The following EFR3B variants were observed in gnomAD, a reference collection of about 807,000 sequenced individuals.
The protein encoded by EFR3B is EFR3 homolog B, also known as protein EFR3 homolog B.
A neutral mutation model predicts 104.7 loss-of-function variants in EFR3B; 64 were observed. That is an observed-to-expected ratio of 0.61 (90% CI 0.50 to 0.75). The LOEUF (loss-of-function observed/expected upper bound fraction) is 0.75. Among genes scored for constraint, EFR3B ranks in the 30% least tolerant of loss-of-function variants. The probability of loss-of-function intolerance (pLI) is 0.00; values close to 1 mark genes in which losing one functional copy is unlikely to be tolerated. For missense variants in EFR3B, 750 were observed against 1,078.5 expected, an observed-to-expected ratio of 0.70 and a Z score of 4.27; for synonymous variants, 385 against 417.9, an observed-to-expected ratio of 0.92 and a Z score of 0.96.
intron 1 of EFR3B, among the ~76,000 whole-genome samples, chr2:25,078,666 G>A (rs1264581369): frequency 6.6e-6 from 1 of 152,212 alleles, no homozygotes; most frequent in Non-Finnish European, 1.5e-5. Flanking sequence ...TATCTTGGGA[G>A]AAGAAAAGAT....
chr2:25,089,819 C>A (rs1037992107), intron 1 of EFR3B, among the ~76,000 whole-genome samples: 1 of 152,098 alleles, frequency 6.6e-6, no homozygotes, highest in Non-Finnish European at 1.5e-5. Flanking sequence ...CTGCCTGGTC[C>A]CTTCTGTGCT....
chr2:25,121,850 G>C, intron 5 of EFR3B, 56 bp downstream of exon 5: 4 of 1,548,978 alleles, frequency 2.6e-6, no homozygotes, highest in South Asian at 2.4e-5. Flanking sequence ...GCAACGGTGG[G>C]TCCTGTAGAT....
At chr2:25,113,041 G>GCTGC (rs1669763712) in intron 4 of EFR3B, among the ~76,000 whole-genome samples, 1 of 152,028 alleles carries the variant, frequency 6.6e-6, no homozygotes, top group African/African-American at 2.4e-5. Context: ...TTGCCTCCTA[G>GCTGC]CTGCCTATAC....
At position 25,142,773 on chromosome 2, in the gene EFR3B, T is replaced by TAATA. The variant is rs138723099; in HGVS notation, c.1923-943_1923-940dup. On this transcript the variant is annotated intron_variant, in intron 17 of 22. Transcript: ENST00000403714. ...GACTTGGTCTAAGAAATAATAATAA[T>TAATA]AATAAATAAATAAATAAATAAAATT... Among the ~76,000 whole-genome samples the TAATA allele has an allele frequency of 6.8e-5, 10 of 147,376 alleles. No individual in the cohort carries two copies. In the South Asian group the frequency reaches 8.7e-4, roughly 13 times the overall value.
intron 13 of EFR3B, 51 bp downstream of exon 13, chr2:25,135,690 C>T: frequency 6.5e-7 from 1 of 1,542,126 alleles, no homozygotes; most frequent in Non-Finnish European, 8.8e-7. Context: ...AGAGGACTCT[C>T]CATTAGGTCC....
At chr2:25,138,922 G>A in intron 15 of EFR3B, 137 bp from the exon 16 acceptor site, 1 of 1,258,568 alleles carries the variant, frequency 7.9e-7, no homozygotes, top group Non-Finnish European at 1.1e-6. Context: ...AGGAAGGTTT[G>A]GGTCAAATGC....
At chr2:25,087,482 A>AT (rs1191959079) in intron 1 of EFR3B, among the ~76,000 whole-genome samples, 18,478 of 139,842 alleles carry the variant, frequency 0.13, 2,833 homozygotes, top group African/African-American at 0.36. Context: ...GAAGAGCAGG[A>AT]TTTTTTTTTT....
At chr2:25,101,550 T>C (rs1669432334) in intron 3 of EFR3B, among the ~76,000 whole-genome samples, 1 of 152,152 alleles carries the variant, frequency 6.6e-6, no homozygotes, top group Non-Finnish European at 1.5e-5. Context: ...GGTCTCGCCA[T>C]GTTGCCCAGG....
At position 25,154,174 on chromosome 2, in the gene EFR3B, A is replaced by C. The variant is rs1224830551; in HGVS notation, c.2349-61A>C. On this transcript the variant is annotated intron_variant, in intron 22 of 22. Transcript: ENST00000403714. This position sits in a 1 kb window ranked among gnomAD's most constrained non-coding sequence, Gnocchi z 4.1. ...AGTCACCTACTCTGTTTGGTTGCAC[A>C]AGGGTGGGATCCTAAAATTCTCTTT... is the stretch of plus-strand genomic sequence containing the variant. The C allele has an allele frequency of 3.4e-6, 5 of 1,476,808 alleles. No individual in the cohort carries two copies. Among genetic ancestry groups the C allele is most frequent in the Non-Finnish European group, 4.6e-6 (5 of 1,081,398 alleles). The allele number at this position is 1,476,808 out of a possible 1,614,324, so 91.5% of individuals were successfully genotyped here.
intron 3 of EFR3B, among the ~76,000 whole-genome samples, chr2:25,098,831 ATTTTTTTTT>A (rs11416666): frequency 2.4e-4 from 20 of 83,802 alleles, no homozygotes; most frequent in African/African-American, 6.7e-4. Flanking sequence ...TAAGTAGCCA[ATTTTTTTTT>A]TTTTTTTTTT....
chr2:25,078,640 C>CTAGGAATTTACAG (rs1267999801), intron 1 of EFR3B, among the ~76,000 whole-genome samples: 1 of 152,066 alleles, frequency 6.6e-6, no homozygotes, highest in East Asian at 1.9e-4. Context: ...AAAATGAGAC[C>CTAGGAATTTACAG]TAGGAATTTA....
intron 1 of EFR3B, chr2:25,081,131 C>A: frequency 1.4e-6 from 1 of 694,996 alleles, no homozygotes; most frequent in South Asian, 1.6e-5. Context: ...ATTTTCGCTT[C>A]AGTGCTTGAT....
In EFR3B at chr2:25,042,139, G is replaced by T. The variant is rs905247458; in HGVS notation, c.-174G>T. Reference sequence around the variant, plus strand: ...GCCCGGCGCTGAATGGGCTGGCGGCGCCCGGCTCCGTCCTGCCCGCGGCCG... The same window carrying T: ...GCCCGGCGCTGAATGGGCTGGCGGCTCCCGGCTCCGTCCTGCCCGCGGCCG... On this transcript the variant is annotated 5_prime_UTR_variant, in exon 1 of 23. Transcript: ENST00000403714. The surrounding 1 kb of genome is among the most constrained non-coding windows in gnomAD (Gnocchi z 5.4). 1,014 of 513,944 alleles carry T rather than the reference G, an allele frequency of 2.0e-3. 9 individuals are homozygous for T. The highest frequency in any genetic ancestry group is 0.019 in the African/African-American group (949 of 49,414). 31.8% of individuals were successfully genotyped at this position (513,944 alleles called of 1,614,324 possible).
At chr2:25,141,070 T>C (rs565201744) in intron 16 of EFR3B, among the ~76,000 whole-genome samples, 5 of 143,776 alleles carry the variant, frequency 3.5e-5, no homozygotes, top group African/African-American at 1.0e-4. Flanking sequence ...AGCATAGGAA[T>C]GAGGCATTGG....
rs564541915 is a variant in EFR3B at position 25,071,771 on chromosome 2, A to G, written c.8-19554A>G. Among the ~76,000 whole-genome samples, 7 of 152,304 alleles carry G rather than the reference A, an allele frequency of 4.6e-5. No homozygotes were observed. In the East Asian group the frequency reaches 9.6e-4, roughly 21 times the overall value. On this transcript the variant is annotated intron_variant, in intron 1 of 22. Coordinates refer to ENST00000403714, the MANE Select transcript of EFR3B (RefSeq NM_014971.2). ...ATTGTGTCATGGAGGTTTGCACTTA[A>G]TCGATACCTTTCAGCCAGCTGGCTA...
chr2:25,125,013 G>C (rs1670125293), intron 5 of EFR3B, among the ~76,000 whole-genome samples: 1 of 152,174 alleles, frequency 6.6e-6, no homozygotes. Flanking sequence ...AGCTAAGATT[G>C]TGCCACTGCA....
intron 19 of EFR3B, chr2:25,147,856 A>C (rs1434761460): frequency 6.6e-6 from 1 of 152,000 alleles, no homozygotes; most frequent in Non-Finnish European, 1.5e-5. Context: ...CCCCGTCTTT[A>C]CTAAAACTAC....
chr2:25,042,469 G>T lies in EFR3B; in HGVS notation c.7+150G>T. 4 of 1,207,212 alleles carry T rather than the reference G, an allele frequency of 3.3e-6. No homozygotes were observed. Among genetic ancestry groups the T allele is most frequent in the Non-Finnish European group, 4.1e-6 (4 of 972,302 alleles). 74.8% of individuals were successfully genotyped at this position (1,207,212 alleles called of 1,614,324 possible). Reference sequence around the variant, plus strand: ...GGGCTGTTGCGGTCGCTCTGTGCGCGCGCGTCTGCGCTGCGAGGACAAAGA... The same window carrying T: ...GGGCTGTTGCGGTCGCTCTGTGCGCTCGCGTCTGCGCTGCGAGGACAAAGA... On this transcript the variant is annotated intron_variant, in intron 1 of 22. Coordinates refer to ENST00000403714, the MANE Select transcript of EFR3B (RefSeq NM_014971.2). The surrounding 1 kb of genome is among the most constrained non-coding windows in gnomAD (Gnocchi z 5.4).
intron 19 of EFR3B, chr2:25,146,083 T>G (rs1168208586): frequency 3.4e-5 from 1 of 29,118 alleles, no homozygotes; most frequent in African/African-American, 1.3e-4. Flanking sequence ...AGCCAAGATG[T>G]TTTTTTTTTT....
Sources: gnomAD v4.1 joint callset for allele counts (sites outside exome capture counted in the v4.1 genomes callset) on GRCh38, gnomAD v4.1.1 for gene constraint, Gnocchi (gnomAD v3.1) non-coding constraint, MANE v1.5 for transcripts, NCBI Gene and HGNC (gene_info 2026-07-23, HGNC 2026-07-21) for gene names.